The following RNF19A variants were observed in gnomAD, a reference collection of about 807,000 sequenced individuals.
RNF19A encodes the protein ring finger protein 19A, RBR E3 ubiquitin protein ligase, also known as E3 ubiquitin-protein ligase RNF19A.
In RNF19A, 32 loss-of-function variants were observed where a neutral mutation model predicts 75.7. That is an observed-to-expected ratio of 0.42 (90% CI 0.32 to 0.57). RNF19A has a LOEUF of 0.57. RNF19A is among the 20% of genes least tolerant of loss of function. The probability of loss-of-function intolerance (pLI) is 0.10; values close to 1 mark genes in which losing one functional copy is unlikely to be tolerated. For missense variants in RNF19A, 782 were observed against 1,036.3 expected, an observed-to-expected ratio of 0.75 and a Z score of 3.37; for synonymous variants, 335 against 345.2, an observed-to-expected ratio of 0.97 and a Z score of 0.33.
At chr8:100,278,421 T>C (rs1820625008) in intron 2 of RNF19A, among the ~76,000 whole-genome samples, 1 of 152,236 alleles carries the variant, frequency 6.6e-6, no homozygotes, top group African/African-American at 2.4e-5. Context: ...AACATTTTAC[T>C]GGATAACTGA....
rs910239484 is a variant in RNF19A, at chr8:100,324,239, T to C, written c.-242-10867A>G. 6.6e-6 allele frequency among the ~76,000 whole-genome samples: 1 copy of C among 152,200 alleles called. No homozygotes were observed. Among genetic ancestry groups the C allele is most frequent in the Non-Finnish European group, 1.5e-5 (1 of 68,030 alleles). ...AAATGATCTTCTCTGTATTTCAGTG[T>C]TGAATAGAACAGGAATAATTTAGTG... On this transcript the variant is annotated intron_variant, in intron 1 of 3. Transcript: ENST00000519527. This position sits in a 1 kb window ranked among gnomAD's most constrained non-coding sequence, Gnocchi z 4.2.
In RNF19A at chr8:100,258,805, A is replaced by G; in HGVS notation, c.2268T>C (p.Thr756=). The G allele has an allele frequency of 1.9e-6, 3 of 1,614,232 alleles. No homozygotes were observed. The highest frequency in any genetic ancestry group is 1.1e-5 in the South Asian group (1 of 91,086). The change falls in exon 10 of 10, where the codon ACT becomes ACC. Residue 756 remains threonine (T), a synonymous_variant. Transcript: ENST00000341084. This position sits in a 1 kb window ranked among gnomAD's most constrained non-coding sequence, Gnocchi z 4.3. ...GSSDYHTRFA[T]VNILPEVEND... ...TTTCTACCTCAGGAAGAATGTTAAC[A>G]GTAGCAAAGCGGGTGTGATAATCAC...
chr8:100,313,531 G>A (rs1337534528), upstream of RNF19A, among the ~76,000 whole-genome samples: 5 of 151,598 alleles, frequency 3.3e-5, no homozygotes, highest in South Asian at 2.1e-4. Flanking sequence ...GGGACGGGGG[G>A]TGGTCAGAAA....
At chr8:100,327,251 T>TG in intron 1 of RNF19A, among the ~76,000 whole-genome samples, 1 of 135,230 alleles carries the variant, frequency 7.4e-6, no homozygotes, top group African/African-American at 2.9e-5. Context: ...ACTTCTTTTT[T>TG]TTTTTTTTTT....
At chr8:100,271,405 C>T (rs1005869306) in intron 3 of RNF19A, among the ~76,000 whole-genome samples, 4 of 152,172 alleles carry the variant, frequency 2.6e-5, no homozygotes, top group African/African-American at 9.6e-5. Context: ...TGATACAACA[C>T]GTGGTATACT....
At chr8:100,335,014 T>A (rs775435440) in intron 1 of RNF19A, among the ~76,000 whole-genome samples, 31 of 152,192 alleles carry the variant, frequency 2.0e-4, no homozygotes, top group Non-Finnish European at 3.8e-4. Flanking sequence ...AGTTAAGCAA[T>A]CTGATTGAAG....
At position 100,282,750 on chromosome 8, in the gene RNF19A, A is replaced by T. The variant is rs527478438; in HGVS notation, c.674+4751T>A. 1.4e-4 allele frequency among the ~76,000 whole-genome samples: 22 copies of T among 152,352 alleles called. No individual in the cohort carries two copies. In the East Asian group the frequency reaches 3.9e-3, roughly 27 times the overall value. ...TCAAAAGATAGTCAAGGTATAGCTAAAACACATCTTTGCAGGATGAGAATG... is the reference window on the plus strand; with the variant it reads ...TCAAAAGATAGTCAAGGTATAGCTATAACACATCTTTGCAGGATGAGAATG... On this transcript the variant is annotated intron_variant, in intron 2 of 9. Coordinates refer to ENST00000341084, the MANE Select transcript of RNF19A (RefSeq NM_183419.4).
chr8:100,306,596 T>C (rs1181674791), intron 1 of RNF19A, among the ~76,000 whole-genome samples: 2 of 152,222 alleles, frequency 1.3e-5, no homozygotes, highest in Non-Finnish European at 2.9e-5. Context: ...CACTTTGATA[T>C]AGAAAGTATC....
At position 100,261,145 on chromosome 8, in the gene RNF19A, A is replaced by G. The variant is rs1304210134; in HGVS notation, c.1682+397T>C. ...AGGGTCTCACTGTCACTCAGGTTGGAGCTCAGTGGTGTGATCTTGGCTGAC... is the reference window on the plus strand; with the variant it reads ...AGGGTCTCACTGTCACTCAGGTTGGGGCTCAGTGGTGTGATCTTGGCTGAC... On this transcript the variant is annotated intron_variant, in intron 8 of 9. Coordinates refer to ENST00000341084, the MANE Select transcript of RNF19A (RefSeq NM_183419.4). The surrounding 1 kb of genome is among the most constrained non-coding windows in gnomAD (Gnocchi z 4.4). Among the ~76,000 whole-genome samples, 2 of 151,564 alleles carry G rather than the reference A, an allele frequency of 1.3e-5. No homozygotes were observed. The highest frequency in any genetic ancestry group is 2.9e-5 in the Non-Finnish European group (2 of 67,874).
At position 100,331,883 on chromosome 8, in the gene RNF19A, T is replaced by C. The variant is rs1359562516; in HGVS notation, c.-243+4225A>G. Among the ~76,000 whole-genome samples the C allele has an allele frequency of 1.3e-5, 2 of 152,206 alleles. No individual in the cohort carries two copies. Among genetic ancestry groups the C allele is most frequent in the Non-Finnish European group, 1.5e-5 (1 of 68,034 alleles). ...TACTAACCTTTGCACCCTGCTTTTT[T>C]ACTCAAGAATATATCTTGGAGAATT... is the stretch of plus-strand genomic sequence containing the variant. On this transcript the variant is annotated intron_variant, in intron 1 of 3. Coordinates refer to the RNF19A transcript ENST00000519527. This position sits in a 1 kb window ranked among gnomAD's most constrained non-coding sequence, Gnocchi z 5.2.
chr8:100,332,246 C>T lies in RNF19A; in HGVS notation c.-243+3862G>A, dbSNP rs1197056502. Among the ~76,000 whole-genome samples, 3 of 152,082 alleles carry T rather than the reference C, an allele frequency of 2.0e-5. No individual in the cohort carries two copies. The highest frequency in any genetic ancestry group is 1.3e-4 in the Admixed American group (2 of 15,254). On this transcript the variant is annotated intron_variant, in intron 1 of 3. Coordinates refer to the RNF19A transcript ENST00000519527. The surrounding 1 kb of genome is among the most constrained non-coding windows in gnomAD (Gnocchi z 4.8). ...TGTAATCCCCATAATCCCCAAGTGT[C>T]GAGGGAGGGATGTGGTGGGAAGTGA...
At chr8:100,335,660 A>G (rs985238187) in intron 1 of RNF19A, among the ~76,000 whole-genome samples, 1 of 152,254 alleles carries the variant, frequency 6.6e-6, no homozygotes. Context: ...TGTTACTGTC[A>G]TAGACTTTAT....
At chr8:100,335,864 GC>G in intron 1 of RNF19A, among the ~76,000 whole-genome samples, 1 of 152,338 alleles carries the variant, frequency 6.6e-6, no homozygotes, top group South Asian at 2.1e-4. Flanking sequence ...GGGCCAGGCT[GC>G]CCCTCAGCCA....
rs924266848 is a variant in RNF19A at position 100,330,739 on chromosome 8, G to A, written c.-243+5369C>T. Among the ~76,000 whole-genome samples, 9 of 152,186 alleles carry A rather than the reference G, an allele frequency of 5.9e-5. No homozygotes were observed. The highest frequency in any genetic ancestry group is 1.5e-5 in the Non-Finnish European group (1 of 68,022). On this transcript the variant is annotated intron_variant, in intron 1 of 3. Coordinates refer to the RNF19A transcript ENST00000519527. This position sits in a 1 kb window ranked among gnomAD's most constrained non-coding sequence, Gnocchi z 4.1. ...CCATCTCTTGAAGCCAAAGTAGTCTGAACAATATGTTTGTCCTTTCAGTTT... is the reference window on the plus strand; with the variant it reads ...CCATCTCTTGAAGCCAAAGTAGTCTAAACAATATGTTTGTCCTTTCAGTTT...
At chr8:100,274,751 T>G (rs937081686) in intron 3 of RNF19A, among the ~76,000 whole-genome samples, 2 of 152,188 alleles carry the variant, frequency 1.3e-5, no homozygotes, top group African/African-American at 4.8e-5. Flanking sequence ...ATCACAACAC[T>G]TCCTTTTTTC....
intron 1 of RNF19A, among the ~76,000 whole-genome samples, chr8:100,296,293 C>T (rs1431865738): frequency 2.0e-5 from 3 of 151,880 alleles, no homozygotes; most frequent in Admixed American, 6.6e-5. Flanking sequence ...TTAGTAGAGA[C>T]GGGGTTTCAC....
chr8:100,307,499 AATTTCTATATAAATCTAAAT>A (rs977684117), intron 1 of RNF19A, among the ~76,000 whole-genome samples: 2 of 152,046 alleles, frequency 1.3e-5, no homozygotes, highest in African/African-American at 4.8e-5. Flanking sequence ...GAAACCAAAA[AATTTCTATATAAATCTAAAT>A]AAGTGTTCAA....
intron 2 of RNF19A, among the ~76,000 whole-genome samples, chr8:100,286,703 A>C (rs903982910): frequency 1.3e-5 from 2 of 152,162 alleles, no homozygotes; most frequent in Non-Finnish European, 2.9e-5. Context: ...TACCCAGATA[A>C]TCTTGGAAGT....
chr8:100,275,646 C>T lies in RNF19A; in HGVS notation c.675-485G>A, dbSNP rs1054141420. The stretch of plus-strand genomic sequence containing the variant: ...AAATTAGTACAGTATTGTATGCACA[C>T]AAAAAAAAGACTAGAAGGAAAAACA... On this transcript the variant is annotated intron_variant, in intron 2 of 9. Coordinates refer to ENST00000341084, the MANE Select transcript of RNF19A (RefSeq NM_183419.4). This position sits in a 1 kb window ranked among gnomAD's most constrained non-coding sequence, Gnocchi z 4.3. 1.7e-4 allele frequency among the ~76,000 whole-genome samples: 26 copies of T among 150,462 alleles called. No homozygotes were observed. The highest frequency in any genetic ancestry group is 6.3e-4 in the African/African-American group (26 of 41,020).
Sources: allele counts gnomAD v4.1 joint callset (sites outside exome capture counted in the v4.1 genomes callset), GRCh38; gene constraint gnomAD v4.1.1; non-coding constraint Gnocchi (gnomAD v3.1); transcripts MANE v1.5; gene names NCBI Gene and HGNC (gene_info 2026-07-23, HGNC 2026-07-21).